Variants in CDK14 observed in about 807,000 individuals in gnomAD.
The protein encoded by CDK14 is cyclin-dependent kinase 14.
In CDK14, 34 loss-of-function variants were observed where a neutral mutation model predicts 60.7. The ratio of observed to expected loss-of-function variants is 0.56; its 90% CI spans 0.43 to 0.75. CDK14 has a LOEUF of 0.75. Ranked by LOEUF, CDK14 falls within the 30% of genes least tolerant of loss-of-function variation. The pLI is 0.00. For missense variants in CDK14, 482 were observed against 564.1 expected, an observed-to-expected ratio of 0.85 and a Z score of 1.47; for synonymous variants, 197 against 203.7, an observed-to-expected ratio of 0.97 and a Z score of 0.28.
chr7:90,643,581 T>C (rs1481881545), intron 2 of CDK14, among the ~76,000 whole-genome samples: 2 of 152,088 alleles, frequency 1.3e-5, no homozygotes, highest in East Asian at 3.9e-4. Context: ...ATGAGAAGAG[T>C]TGTAAAATAT....
intron 14 of CDK14, among the ~76,000 whole-genome samples, chr7:91,120,837 C>T (rs1337187773): frequency 6.6e-6 from 1 of 151,918 alleles, no homozygotes; most frequent in African/African-American, 2.4e-5. Context: ...GCGCCTGGCC[C>T]AATAAAGCTT....
chr7:91,047,376 A>G, intron 11 of CDK14, among the ~76,000 whole-genome samples: 1 of 152,246 alleles, frequency 6.6e-6, no homozygotes, highest in East Asian at 1.9e-4. Context: ...GTGGGAATAG[A>G]ATTTATCTTC....
chr7:91,040,579 T>C (rs1380694953), intron 10 of CDK14, among the ~76,000 whole-genome samples: 1 of 152,236 alleles, frequency 6.6e-6, no homozygotes, highest in Non-Finnish European at 1.5e-5. Flanking sequence ...AAAATCCACA[T>C]CGCCACTGTA....
intron 2 of CDK14, among the ~76,000 whole-genome samples, chr7:90,611,859 G>A (rs1799545296): frequency 7.2e-6 from 1 of 139,370 alleles, no homozygotes; most frequent in African/African-American, 2.7e-5. Flanking sequence ...TTGAGATGGA[G>A]TCTCACTCTG....
chr7:90,641,315 A>C (rs17868897), intron 2 of CDK14, among the ~76,000 whole-genome samples: 2,209 of 152,290 alleles, frequency 0.015, 26 homozygotes, highest in Non-Finnish European at 0.022. Context: ...CGACACAGAA[A>C]CTTTTGCACC....
chr7:91,177,675 CAG>C (rs1198440977), intron 14 of CDK14, among the ~76,000 whole-genome samples: 2 of 149,416 alleles, frequency 1.3e-5, no homozygotes, highest in African/African-American at 4.9e-5. Context: ...AACAGACAAA[CAG>C]AGAGCCAAAT....
chr7:91,101,112 A>G (rs1404937099), intron 12 of CDK14, among the ~76,000 whole-genome samples: 1 of 152,228 alleles, frequency 6.6e-6, no homozygotes, highest in Non-Finnish European at 1.5e-5. Flanking sequence ...CTCTATAGCA[A>G]TATAGTTCAA....
At chr7:90,605,533 T>C (rs1275491296) in intron 2 of CDK14, among the ~76,000 whole-genome samples, 1 of 152,220 alleles carries the variant, frequency 6.6e-6, no homozygotes, top group Non-Finnish European at 1.5e-5. Flanking sequence ...TTGAGATATT[T>C]TTCAGGAGAG....
chr7:90,679,789 T>A (rs1584789131), intron 2 of CDK14, among the ~76,000 whole-genome samples: 2 of 152,370 alleles, frequency 1.3e-5, no homozygotes, highest in South Asian at 4.1e-4. Context: ...TATGATTTCT[T>A]GTATAAGTCA....
intron 9 of CDK14, among the ~76,000 whole-genome samples, chr7:90,957,269 A>G (rs1794454837): frequency 6.6e-6 from 1 of 152,126 alleles, no homozygotes; most frequent in African/African-American, 2.4e-5. Flanking sequence ...CATCCTCTCC[A>G]GCACCTGTTG....
intron 13 of CDK14, among the ~76,000 whole-genome samples, chr7:91,113,728 A>G (rs1584079973): frequency 6.6e-6 from 1 of 152,116 alleles, no homozygotes; most frequent in East Asian, 1.9e-4. Flanking sequence ...CATCCATCAT[A>G]ATATTGGATT....
intron 3 of CDK14, among the ~76,000 whole-genome samples, chr7:90,731,375 G>A (rs936386949): frequency 4.3e-4 from 65 of 152,184 alleles, no homozygotes; most frequent in Non-Finnish European, 9.3e-4. Flanking sequence ...CCAGTTCTGT[G>A]AAGAAAGTCA....
chr7:90,981,377 G>A (rs1402191991), intron 9 of CDK14, among the ~76,000 whole-genome samples: 3 of 152,142 alleles, frequency 2.0e-5, no homozygotes, highest in African/African-American at 7.2e-5. Flanking sequence ...ACACTGGTTT[G>A]AAATTAGTTC....
intron 5 of CDK14, among the ~76,000 whole-genome samples, chr7:90,842,249 G>A (rs1212087536): frequency 6.6e-6 from 1 of 152,008 alleles, no homozygotes; most frequent in Non-Finnish European, 1.5e-5. Context: ...TGACATTTTG[G>A]CAGTAACATT....
intron 2 of CDK14, among the ~76,000 whole-genome samples, chr7:90,678,751 A>C (rs1801254257): frequency 6.6e-6 from 1 of 152,186 alleles, no homozygotes; most frequent in South Asian, 2.1e-4. Context: ...TTGTTCATTC[A>C]TTCATTCATC....
intron 13 of CDK14, among the ~76,000 whole-genome samples, chr7:91,116,957 A>G (rs1413994120): frequency 6.6e-6 from 1 of 151,068 alleles, no homozygotes; most frequent in East Asian, 2.0e-4. Flanking sequence ...AGCCTAGATG[A>G]TCTCATCCCA....
At chr7:90,758,708 A>C (rs1333722512) in intron 4 of CDK14, among the ~76,000 whole-genome samples, 1 of 152,250 alleles carries the variant, frequency 6.6e-6, no homozygotes, top group East Asian at 1.9e-4. Flanking sequence ...ATACATAAGT[A>C]ATTCTATATA....
chr7:90,718,274 A>G (rs1480802619), intron 2 of CDK14, among the ~76,000 whole-genome samples: 1 of 152,118 alleles, frequency 6.6e-6, no homozygotes, highest in Non-Finnish European at 1.5e-5. Context: ...TGGAGACATT[A>G]AGAGAAGTGT....
At position 90,695,218 on chromosome 7, in the gene CDK14, A is replaced by G. The variant is rs185594169; in HGVS notation, c.124-31349A>G. On this transcript the variant is annotated intron_variant, in intron 2 of 14. Coordinates refer to ENST00000380050, the MANE Select transcript of CDK14 (RefSeq NM_001287135.2). ...TAGGGAATTTTCTGTATTCCTTTAAATATGTTGTAATATTTTCTACCTCAT... is the reference window on the plus strand; with the variant it reads ...TAGGGAATTTTCTGTATTCCTTTAAGTATGTTGTAATATTTTCTACCTCAT... 5.3e-5 allele frequency among the ~76,000 whole-genome samples: 8 copies of G among 152,194 alleles called. No homozygotes were observed. In the East Asian group the frequency reaches 1.4e-3, roughly 26 times the overall value.
Sources: allele counts gnomAD v4.1 joint callset (sites outside exome capture counted in the v4.1 genomes callset), GRCh38; gene constraint gnomAD v4.1.1; transcripts MANE v1.5; gene names NCBI Gene and HGNC (gene_info 2026-07-23, HGNC 2026-07-21).